Variants in KIAA1671 observed in about 807,000 individuals in gnomAD.
KIAA1671 encodes KIAA1671.
Under a neutral mutation model 131.2 loss-of-function variants are expected in KIAA1671, and 52 were observed. The observed-to-expected ratio is 0.40, with a 90% CI of 0.32 to 0.50. KIAA1671 has a LOEUF of 0.50. Among genes scored for constraint, KIAA1671 ranks in the 20% least tolerant of loss-of-function variants. The pLI, the probability that KIAA1671 is intolerant of heterozygous loss-of-function variation, is 0.73. For synonymous variants in KIAA1671, 1,003 were observed against 961.6 expected, an observed-to-expected ratio of 1.04 and a Z score of -0.80; for missense variants, 2,360 against 2,364.2, an observed-to-expected ratio of 1.00 and a Z score of 0.04.
At position 25,069,927 on chromosome 22, in the gene KIAA1671, G is replaced by A. The variant is rs116283467; in HGVS notation, c.4530+20563G>A. The A allele has an allele frequency of 5.6e-3, 875 of 157,350 alleles. 13 individuals are homozygous for A. The highest frequency in any genetic ancestry group is 0.02 in the African/African-American group (848 of 41,756). 9.7% of individuals were successfully genotyped at this position (157,350 alleles called of 1,614,324 possible). The stretch of plus-strand genomic sequence containing the variant: ...CATACTTGACTCCACGTAAAAGCAT[G>A]TACACACACACTCCTTCATGCATAA... On this transcript the variant is annotated intron_variant, in intron 6 of 12. Transcript: ENST00000358431.
chr22:24,972,703 C>T (rs8141188), intron 1 of KIAA1671, among the ~76,000 whole-genome samples: 6,302 of 151,938 alleles, frequency 0.041, 467 homozygotes, highest in African/African-American at 0.14. Context: ...TCCATCCATC[C>T]ATCTCATCTA....
chr22:24,958,949 C>A (rs1356552139), intron 1 of KIAA1671, among the ~76,000 whole-genome samples: 1 of 148,120 alleles, frequency 6.8e-6, no homozygotes, highest in Non-Finnish European at 1.5e-5. Context: ...CCACTGCACT[C>A]CAGCCTGAAC....
intron 3 of KIAA1671, among the ~76,000 whole-genome samples, chr22:25,030,686 G>T (rs956915019): frequency 9.2e-5 from 14 of 152,326 alleles, no homozygotes; most frequent in African/African-American, 3.4e-4. Flanking sequence ...TTCTAAGTCG[G>T]TTGGTTAATA....
At chr22:25,115,766 A>G (rs890939625) in intron 6 of KIAA1671, among the ~76,000 whole-genome samples, 2 of 151,972 alleles carry the variant, frequency 1.3e-5, no homozygotes, top group Non-Finnish European at 2.9e-5. Context: ...TTTTCATTCA[A>G]CCAGTATTTA....
chr22:25,084,475 A>AAAAT (rs1929592396), intron 6 of KIAA1671, among the ~76,000 whole-genome samples: 2 of 150,008 alleles, frequency 1.3e-5, no homozygotes, highest in Non-Finnish European at 3.0e-5. Flanking sequence ...AAAAAAAAAA[A>AAAAT]TTGACAATGT....
intron 1 of KIAA1671, among the ~76,000 whole-genome samples, chr22:24,998,109 G>A (rs935063347): frequency 6.6e-6 from 1 of 152,102 alleles, no homozygotes; most frequent in Non-Finnish European, 1.5e-5. Context: ...TATTGTCAAA[G>A]TTGCATTTAG....
chr22:25,193,661 G>A lies in KIAA1671; in HGVS notation c.*1260G>A, dbSNP rs1934737683. On this transcript the variant is annotated 3_prime_UTR_variant, in exon 13 of 13. Transcript: ENST00000358431. Reference sequence around the variant, plus strand: ...TCTTCTCTGTCTTAGTGGGTGGATGGGCATGGATAGAAATCCTCTGTTTCT... The same window carrying A: ...TCTTCTCTGTCTTAGTGGGTGGATGAGCATGGATAGAAATCCTCTGTTTCT... The A allele has an allele frequency of 6.6e-6, 1 of 152,228 alleles. No individual in the cohort carries two copies. Among genetic ancestry groups the A allele is most frequent in the Non-Finnish European group, 1.5e-5 (1 of 68,098 alleles). 9.4% of individuals were successfully genotyped at this position (152,228 alleles called of 1,614,324 possible). A position where few individuals can be genotyped will look rare whatever the true frequency, so the allele number is the denominator to read the frequency against.
chr22:25,038,293 C>T (rs972856935), intron 4 of KIAA1671, among the ~76,000 whole-genome samples: 3 of 152,214 alleles, frequency 2.0e-5, no homozygotes, highest in Non-Finnish European at 2.9e-5. Flanking sequence ...TGAGCCACCG[C>T]GCCTGGCTGG....
rs56200570 is a variant in KIAA1671 at position 25,093,838 on chromosome 22, G to GTC, written c.4530+44521_4530+44522dup. On this transcript the variant is annotated intron_variant, in intron 6 of 12. Coordinates refer to ENST00000358431, the MANE Select transcript of KIAA1671 (RefSeq NM_001145206.2). ...TCTCTCTCTCTTTCTCTCTCTGTCTGTCTCTCTCTCTCTCTCTCTCTCTCT... is the reference window on the plus strand; with the variant it reads ...TCTCTCTCTCTTTCTCTCTCTGTCTGTCTCTCTCTCTCTCTCTCTCTCTCTCT... Among the ~76,000 whole-genome samples the GTC allele has an allele frequency of 3.9e-3, 77 of 19,634 alleles. 7 individuals carry two copies. The highest frequency in any genetic ancestry group is 0.025 in the East Asian group (21 of 830). 12.9% of individuals were successfully genotyped at this position (19,634 alleles called of 152,430 possible).
chr22:25,000,553 C>G (rs905659117), intron 1 of KIAA1671, among the ~76,000 whole-genome samples: 3 of 142,542 alleles, frequency 2.1e-5, no homozygotes, highest in African/African-American at 7.9e-5. Context: ...TGAGACACGT[C>G]TGGCCCAGGC....
At chr22:25,139,652 G>T (rs1199683398) in intron 6 of KIAA1671, among the ~76,000 whole-genome samples, 1 of 152,210 alleles carries the variant, frequency 6.6e-6, no homozygotes, top group Non-Finnish European at 1.5e-5. Flanking sequence ...AGCAAAAGCA[G>T]TCTAATATCA....
chr22:24,980,523 G>A (rs1416866128), intron 1 of KIAA1671, among the ~76,000 whole-genome samples: 1 of 151,770 alleles, frequency 6.6e-6, no homozygotes, highest in East Asian at 1.9e-4. Context: ...ACCCGCCTTG[G>A]CCTCCCATAG....
At chr22:25,166,541 G>T (rs1223521974) in intron 6 of KIAA1671, among the ~76,000 whole-genome samples, 2 of 152,096 alleles carry the variant, frequency 1.3e-5, no homozygotes, top group African/African-American at 4.8e-5. Context: ...ACTCAGCCCT[G>T]AGGGGGATCC....
chr22:25,044,232 G>GT (rs1215175617), intron 5 of KIAA1671, among the ~76,000 whole-genome samples: 2 of 152,216 alleles, frequency 1.3e-5, no homozygotes, highest in African/African-American at 2.4e-5. Flanking sequence ...AGAGTTAACA[G>GT]GGATTCCTGC....
chr22:25,046,014 G>A (rs1359065880), intron 5 of KIAA1671, among the ~76,000 whole-genome samples: 1 of 152,090 alleles, frequency 6.6e-6, no homozygotes, highest in African/African-American at 2.4e-5. Context: ...GTTAGAAACA[G>A]GGTTGTGCCG....
intron 1 of KIAA1671, among the ~76,000 whole-genome samples, chr22:25,007,283 C>G (rs181753889): frequency 6.6e-6 from 1 of 152,022 alleles, no homozygotes; most frequent in South Asian, 2.1e-4. Context: ...GTCAAGAGAT[C>G]GAGACCATCC....
At position 24,965,597 on chromosome 22, in the gene KIAA1671, C is replaced by T. The variant is rs146235490; in HGVS notation, c.-208+12825C>T. On this transcript the variant is annotated intron_variant, in intron 1 of 12. Coordinates refer to ENST00000358431, the MANE Select transcript of KIAA1671 (RefSeq NM_001145206.2). ...TTGCTAAAAATACAAAAAAATTAGCCGGGCATGGTGGCGACACCTGTAATC... is the reference window on the plus strand; with the variant it reads ...TTGCTAAAAATACAAAAAAATTAGCTGGGCATGGTGGCGACACCTGTAATC... Among the ~76,000 whole-genome samples the T allele has an allele frequency of 8.4e-3, 1,263 of 151,248 alleles. 12 individuals carry two copies. The highest frequency in any genetic ancestry group is 0.029 in the African/African-American group (1,185 of 41,268).
chr22:25,044,330 C>T (rs1927106937), intron 5 of KIAA1671, among the ~76,000 whole-genome samples: 2 of 152,190 alleles, frequency 1.3e-5, no homozygotes, highest in East Asian at 3.8e-4. Context: ...TTCATCTGTC[C>T]CTACCTGCAG....
intron 1 of KIAA1671, chr22:25,013,051 G>A (rs1925120363): frequency 6.6e-6 from 1 of 152,244 alleles, no homozygotes; most frequent in Non-Finnish European, 1.5e-5. Context: ...GGTAGAGTGG[G>A]ATGGGGTTGG....
Sources: gnomAD v4.1 joint callset for allele counts (sites outside exome capture counted in the v4.1 genomes callset) on GRCh38, gnomAD v4.1.1 for gene constraint, MANE v1.5 for transcripts, NCBI Gene and HGNC (gene_info 2026-07-23, HGNC 2026-07-21) for gene names.